Variants in NIM1K observed in about 807,000 individuals in gnomAD.
NIM1K encodes NIM1 serine/threonine protein kinase.
Under a neutral mutation model 37.1 loss-of-function variants are expected in NIM1K, and 35 were observed. The ratio of observed to expected loss-of-function variants is 0.94; its 90% CI spans 0.72 to 1.25. NIM1K has a LOEUF of 1.25. Ranked by LOEUF, NIM1K falls within the 50% of genes most tolerant of loss-of-function variation. The pLI is 0.00. For missense variants in NIM1K, 564 were observed against 548.0 expected (o/e 1.03, Z -0.29); for synonymous variants, 234 against 206.6 (o/e 1.13, Z -1.14).
intron 2 of NIM1K, among the ~76,000 whole-genome samples, chr5:43,271,508 G>A (rs1157217916): frequency 6.6e-6 from 1 of 152,040 alleles, no homozygotes; most frequent in Non-Finnish European, 1.5e-5. Flanking sequence ...ACATATATTA[G>A]AGTAGTGCTC....
At chr5:43,259,264 A>C (rs984309643) in intron 2 of NIM1K, among the ~76,000 whole-genome samples, 4 of 152,114 alleles carry the variant, frequency 2.6e-5, no homozygotes, top group African/African-American at 7.2e-5. Flanking sequence ...CTTTGGGGAG[A>C]TACCCAGTAG....
intron 1 of NIM1K, chr5:43,232,410 A>T (rs1752553219): frequency 2.8e-6 from 4 of 1,451,226 alleles, no homozygotes; most frequent in Non-Finnish European, 3.9e-6. Flanking sequence ...TTGGTCTGGA[A>T]TTCTGTCAGA....
intron 1 of NIM1K, among the ~76,000 whole-genome samples, chr5:43,241,004 G>T (rs1337454669): frequency 6.6e-6 from 1 of 151,966 alleles, no homozygotes; most frequent in African/African-American, 2.4e-5. Flanking sequence ...TTGAAGCAAA[G>T]AACACATACA....
intron 1 of NIM1K, among the ~76,000 whole-genome samples, chr5:43,201,987 A>G (rs1467194746): frequency 2.6e-5 from 4 of 151,970 alleles, no homozygotes; most frequent in African/African-American, 9.7e-5. Flanking sequence ...AAAAAAAAAA[A>G]AAAGAAAGAT....
chr5:43,234,543 C>G lies in NIM1K; in HGVS notation c.-694-10539C>G, dbSNP rs73094505. Among the ~76,000 whole-genome samples, 1,476 of 152,200 alleles carry G rather than the reference C, an allele frequency of 9.7e-3. 31 individuals carry two copies. Among genetic ancestry groups the G allele is most frequent in the African/African-American group, 0.034 (1,415 of 41,516 alleles). The stretch of plus-strand genomic sequence containing the variant: ...GTACTTCATGCCTGTATTCCCAGCC[C>G]TTTGGGAAGCTGAGGTGGGCAGATC... On this transcript the variant is annotated intron_variant, in intron 1 of 3. Transcript: ENST00000326035.
intron 1 of NIM1K, among the ~76,000 whole-genome samples, chr5:43,235,678 A>T (rs556959654): frequency 1.3e-5 from 2 of 152,354 alleles, no homozygotes; most frequent in African/African-American, 2.4e-5. Context: ...GATGAATTAG[A>T]TGGTTAAATA....
chr5:43,214,597 C>T (rs1579960013), intron 1 of NIM1K, among the ~76,000 whole-genome samples: 2 of 151,456 alleles, frequency 1.3e-5, no homozygotes, highest in East Asian at 3.9e-4. Context: ...GGGCGGATCA[C>T]GAGGTCAGGA....
chr5:43,248,159 G>A (rs1752812110), intron 2 of NIM1K, among the ~76,000 whole-genome samples: 1 of 152,170 alleles, frequency 6.6e-6, no homozygotes, highest in Non-Finnish European at 1.5e-5. Context: ...AGTGATTATA[G>A]GACAGAGGAG....
At chr5:43,198,497 C>T (rs534145270) in intron 1 of NIM1K, among the ~76,000 whole-genome samples, 1 of 150,410 alleles carries the variant, frequency 6.6e-6, no homozygotes, top group South Asian at 2.1e-4. Flanking sequence ...CTTTTATTTT[C>T]AACAATGATT....
chr5:43,213,784 CTG>C (rs1284043427), intron 1 of NIM1K, among the ~76,000 whole-genome samples: 6 of 152,044 alleles, frequency 3.9e-5, no homozygotes, highest in Non-Finnish European at 2.9e-5. Flanking sequence ...GTGTGAGCCA[CTG>C]CCCCGGCCAA....
chr5:43,229,944 CT>C (rs771892372), intron 1 of NIM1K, among the ~76,000 whole-genome samples: 6,693 of 147,172 alleles, frequency 0.045, 425 homozygotes, highest in African/African-American at 0.15. Flanking sequence ...ATTTTAGCCT[CT>C]TTTTTTTTTT....
In NIM1K at chr5:43,261,445, T is replaced by G. The variant is rs530376904; in HGVS notation, c.292+15378T>G. On this transcript the variant is annotated intron_variant, in intron 2 of 3. Coordinates refer to ENST00000326035, the MANE Select transcript of NIM1K (RefSeq NM_153361.4). Reference sequence around the variant, plus strand: ...CTGTTTATATCCTTTGCCCACTTTTTGATGCGGTTGCTTGTTTTTTTTCTT... The same window carrying G: ...CTGTTTATATCCTTTGCCCACTTTTGGATGCGGTTGCTTGTTTTTTTTCTT... Among the ~76,000 whole-genome samples the G allele has an allele frequency of 1.4e-3, 216 of 152,350 alleles. 2 individuals are homozygous for G. The highest frequency in any genetic ancestry group is 3.4e-3 in the Middle Eastern group (1 of 294).
chr5:43,232,824 G>T, intron 1 of NIM1K: 2 of 1,036,366 alleles, frequency 1.9e-6, no homozygotes, highest in Non-Finnish European at 3.0e-6. Flanking sequence ...CCAAAACGAG[G>T]TCAGTGATCT....
intron 2 of NIM1K, among the ~76,000 whole-genome samples, chr5:43,258,071 C>T (rs75531489): frequency 4.6e-5 from 7 of 152,162 alleles, no homozygotes; most frequent in East Asian, 1.9e-4. Flanking sequence ...GTACTCAGAG[C>T]GCTGCCCTCC....
At chr5:43,248,103 T>C (rs962162972) in intron 2 of NIM1K, among the ~76,000 whole-genome samples, 26 of 152,074 alleles carry the variant, frequency 1.7e-4, no homozygotes, top group Non-Finnish European at 1.3e-4. Context: ...TAAGTGAAGG[T>C]CAAATTTGAG....
chr5:43,233,310 CT>C, intron 1 of NIM1K: 2 of 246,972 alleles, frequency 8.1e-6, no homozygotes, highest in Non-Finnish European at 1.3e-5. Context: ...AAGAGTGACA[CT>C]TAAAAAAAAA....
intron 1 of NIM1K, among the ~76,000 whole-genome samples, chr5:43,238,947 G>A (rs1318439864): frequency 1.8e-5 from 2 of 110,694 alleles, no homozygotes; most frequent in Non-Finnish European, 3.4e-5. Context: ...TTTGAGGAGG[G>A]AAAGGCTGGC....
chr5:43,247,352 A>G (rs1752791470), intron 2 of NIM1K, among the ~76,000 whole-genome samples: 1 of 152,226 alleles, frequency 6.6e-6, no homozygotes, highest in Non-Finnish European at 1.5e-5. Context: ...TTCATACGGT[A>G]TCATAAGGAT....
At chr5:43,277,419 G>T in intron 3 of NIM1K, 94 bp downstream of exon 3, 2 of 1,359,334 alleles carry the variant, frequency 1.5e-6, no homozygotes, top group Non-Finnish European at 2.0e-6. Context: ...GTCCCAGAGG[G>T]CTTTTGTCCT....
Sources: allele counts gnomAD v4.1 joint callset (sites outside exome capture counted in the v4.1 genomes callset), GRCh38; gene constraint gnomAD v4.1.1; transcripts MANE v1.5; gene names NCBI Gene and HGNC (gene_info 2026-07-23, HGNC 2026-07-21).